The following RBFOX1 variants were observed in gnomAD, a reference collection of about 807,000 sequenced individuals.
RBFOX1 encodes RNA binding protein fox-1 homolog 1.
In RBFOX1, 8 loss-of-function variants were observed where a neutral mutation model predicts 57.7. That is an observed-to-expected ratio of 0.14 (90% CI 0.08 to 0.25). The LOEUF (loss-of-function observed/expected upper bound fraction) is 0.25, where lower values mean the gene tolerates loss of function less well. RBFOX1 is among the 10% of genes least tolerant of loss of function. The probability of loss-of-function intolerance (pLI) is 1.00; values close to 1 mark genes in which losing one functional copy is unlikely to be tolerated. For missense variants in RBFOX1, 611 were observed against 548.5 expected (o/e 1.11, Z -1.14); for synonymous variants, 326 against 222.4 (o/e 1.47, Z -4.15).
intron 3 of RBFOX1, among the ~76,000 whole-genome samples, chr16:5,683,993 G>C (rs1327100077): frequency 2.0e-5 from 3 of 151,926 alleles, no homozygotes; most frequent in Admixed American, 2.0e-4. Flanking sequence ...CATTCATTCA[G>C]TTATCACAGC....
chr16:6,600,298 C>T (rs1477121333), intron 2 of RBFOX1, among the ~76,000 whole-genome samples: 3 of 152,184 alleles, frequency 2.0e-5, no homozygotes, highest in South Asian at 2.1e-4. Flanking sequence ...TCTCTCTCCT[C>T]CCCCATTTCC....
chr16:5,903,784 G>T lies in RBFOX1; in HGVS notation c.351+36449G>T, dbSNP rs9926181. Among the ~76,000 whole-genome samples, 6 of 151,938 alleles carry T rather than the reference G, an allele frequency of 3.9e-5. No homozygotes were observed. In the South Asian group the frequency reaches 8.3e-4, roughly 21 times the overall value. On this transcript the variant is annotated intron_variant, in intron 4 of 19. Transcript: ENST00000641259. ...GAGCTAGGCTGACTTAGATGTTTCT[G>T]TGTGCCCCAGGAAGGATGCATCCCC...
At chr16:6,739,330 G>C (rs915634520) in intron 3 of RBFOX1, among the ~76,000 whole-genome samples, 1 of 151,888 alleles carries the variant, frequency 6.6e-6, no homozygotes, top group African/African-American at 2.4e-5. Flanking sequence ...GATAATAAGA[G>C]AGTACTCTGA....
intron 4 of RBFOX1, among the ~76,000 whole-genome samples, chr16:7,080,604 T>C (rs952890374): frequency 6.6e-6 from 1 of 152,182 alleles, no homozygotes; most frequent in African/African-American, 2.4e-5. Context: ...GGTATCCTTT[T>C]TTCATGGTCC....
At chr16:6,637,745 C>T (rs888417333) in intron 2 of RBFOX1, among the ~76,000 whole-genome samples, 1 of 151,514 alleles carries the variant, frequency 6.6e-6, no homozygotes, top group Non-Finnish European at 1.5e-5. Flanking sequence ...TGTAATACAT[C>T]TACATCTCTT....
At chr16:6,794,442 G>C (rs111264795) in intron 3 of RBFOX1, among the ~76,000 whole-genome samples, 1 of 152,034 alleles carries the variant, frequency 6.6e-6, no homozygotes. Flanking sequence ...TTCCCTTCAG[G>C]ATGCAGGGGG....
chr16:7,261,017 T>G (rs901770205), intron 4 of RBFOX1, among the ~76,000 whole-genome samples: 5 of 152,072 alleles, frequency 3.3e-5, no homozygotes, highest in African/African-American at 1.2e-4. Flanking sequence ...GGTGGAAGTT[T>G]CTCCCAAGCC....
intron 2 of RBFOX1, among the ~76,000 whole-genome samples, chr16:6,369,585 G>T (rs2090144256): frequency 6.6e-6 from 1 of 152,158 alleles, no homozygotes; most frequent in Admixed American, 6.5e-5. Context: ...TCGAGGGCTG[G>T]TAGGAAAAAT....
intron 2 of RBFOX1, among the ~76,000 whole-genome samples, chr16:6,531,392 G>A (rs1005621696): frequency 6.6e-6 from 1 of 152,124 alleles, no homozygotes; most frequent in Non-Finnish European, 1.5e-5. Context: ...CTCAGACATA[G>A]GATCAGTTTT....
chr16:5,502,647 G>T (rs1006634480), intron 2 of RBFOX1, among the ~76,000 whole-genome samples: 2 of 152,212 alleles, frequency 1.3e-5, no homozygotes, highest in South Asian at 4.1e-4. Flanking sequence ...TATCTCTGCA[G>T]TGGTTAGGCT....
At chr16:7,369,010 T>C (rs969771594) in intron 4 of RBFOX1, among the ~76,000 whole-genome samples, 3 of 152,050 alleles carry the variant, frequency 2.0e-5, no homozygotes, top group Non-Finnish European at 4.4e-5. Context: ...TAGATGATCC[T>C]CCTGGCTCGA....
chr16:6,646,890 G>C (rs1231862639), intron 2 of RBFOX1, among the ~76,000 whole-genome samples: 1 of 152,122 alleles, frequency 6.6e-6, no homozygotes, highest in African/African-American at 2.4e-5. Flanking sequence ...TTAGGAGACA[G>C]GGTGAGAAAA....
At chr16:6,314,394 C>T (rs540159002) in intron 1 of RBFOX1, among the ~76,000 whole-genome samples, 1 of 152,236 alleles carries the variant, frequency 6.6e-6, no homozygotes, top group South Asian at 2.1e-4. Context: ...GAAGAATATG[C>T]CAATGGCCAT....
At chr16:6,820,613 C>G (rs148916597) in intron 3 of RBFOX1, among the ~76,000 whole-genome samples, 20 of 152,108 alleles carry the variant, frequency 1.3e-4, no homozygotes, top group African/African-American at 4.6e-4. Context: ...AAGCCATGAT[C>G]ACACTACTAC....
intron 4 of RBFOX1, among the ~76,000 whole-genome samples, chr16:5,892,079 T>C (rs1299073769): frequency 6.6e-6 from 1 of 152,156 alleles, no homozygotes; most frequent in Non-Finnish European, 1.5e-5. Flanking sequence ...GTGAGCACAA[T>C]AGTGTTCTGT....
intron 3 of RBFOX1, among the ~76,000 whole-genome samples, chr16:5,723,318 G>A (rs1281560793): frequency 1.3e-5 from 2 of 152,216 alleles, no homozygotes; most frequent in African/African-American, 2.4e-5. Context: ...GGGATGGATG[G>A]CATCTCAGGT....
intron 3 of RBFOX1, among the ~76,000 whole-genome samples, chr16:5,697,535 C>T (rs7499209): frequency 0.57 from 78,860 of 138,652 alleles, 24,637 homozygotes; most frequent in Non-Finnish European, 0.71. Context: ...CTTTTCTATT[C>T]TTTTTTTTTT....
intron 3 of RBFOX1, among the ~76,000 whole-genome samples, chr16:6,982,247 G>A (rs565483814): frequency 3.3e-5 from 5 of 152,130 alleles, no homozygotes; most frequent in African/African-American, 7.2e-5. Flanking sequence ...AAATGTAGCT[G>A]CTTTCAATTT....
intron 14 of RBFOX1, among the ~76,000 whole-genome samples, chr16:7,696,928 A>G (rs1035377862): frequency 3.3e-5 from 5 of 152,154 alleles, no homozygotes; most frequent in African/African-American, 1.2e-4. Context: ...TCCAGGAGTA[A>G]GACATCCAGT....
Sources: allele counts gnomAD v4.1 joint callset (sites outside exome capture counted in the v4.1 genomes callset), GRCh38; gene constraint gnomAD v4.1.1; transcripts MANE v1.5; gene names NCBI Gene and HGNC (gene_info 2026-07-23, HGNC 2026-07-21).